SCIN: variants seen among roughly 807,000 people sequenced by gnomAD.
The protein encoded by SCIN is scinderin, also known as adseverin.
A neutral mutation model predicts 91.8 loss-of-function variants in SCIN; 91 were observed. The observed-to-expected ratio is 0.99, with a 90% confidence interval of 0.84 to 1.18. The LOEUF (loss-of-function observed/expected upper bound fraction) is 1.18, where lower values mean the gene tolerates loss of function less well. Ranked by LOEUF, SCIN falls within the 50% of genes most tolerant of loss-of-function variation. The pLI is 0.00. For missense variants in SCIN, 1,087 were observed against 863.9 expected, an observed-to-expected ratio of 1.26 and a Z score of -3.24; for synonymous variants, 367 against 312.6, an observed-to-expected ratio of 1.17 and a Z score of -1.84.
intron 4 of SCIN, among the ~76,000 whole-genome samples, chr7:12,618,586 A>G (rs926960212): frequency 1.3e-5 from 2 of 152,120 alleles, no homozygotes; most frequent in Non-Finnish European, 2.9e-5. Flanking sequence ...AGCTGGCTAA[A>G]TAAGACCACA....
intron 3 of SCIN, among the ~76,000 whole-genome samples, chr7:12,587,192 A>G (rs1280223328): frequency 1.3e-5 from 2 of 152,214 alleles, no homozygotes. Context: ...ATCACTCTGT[A>G]GCCAATAAAT....
At chr7:12,586,928 G>T (rs975002834) in intron 3 of SCIN, among the ~76,000 whole-genome samples, 1 of 152,112 alleles carries the variant, frequency 6.6e-6, no homozygotes, top group Admixed American at 6.5e-5. Flanking sequence ...ATTGGGAAGG[G>T]TAGGGGGAGG....
chr7:12,592,853 A>T (rs2115233134), intron 3 of SCIN, among the ~76,000 whole-genome samples: 1 of 152,242 alleles, frequency 6.6e-6, no homozygotes, highest in Middle Eastern at 3.4e-3. Flanking sequence ...CCCCACTATC[A>T]ATTAAAAAAG....
At chr7:12,574,529 C>T (rs1782330952) in intron 1 of SCIN, among the ~76,000 whole-genome samples, 2 of 152,080 alleles carry the variant, frequency 1.3e-5, no homozygotes, top group Non-Finnish European at 1.5e-5. Context: ...TGCACACACA[C>T]ACGAGTACAA....
chr7:12,609,021 C>G (rs746973683), intron 4 of SCIN, among the ~76,000 whole-genome samples: 19 of 152,108 alleles, frequency 1.2e-4, no homozygotes, highest in Non-Finnish European at 2.4e-4. Context: ...AAAAATTTAT[C>G]TTTAGTTTGA....
chr7:12,647,491 G>A (rs1195764770), intron 13 of SCIN, among the ~76,000 whole-genome samples: 2 of 152,182 alleles, frequency 1.3e-5, no homozygotes, highest in African/African-American at 4.8e-5. Context: ...CTTGCTGGCT[G>A]TGTGACTTTA....
Position 12,600,453 on chromosome 7 carries a change from C to A in SCIN, c.517-4061C>A, listed in dbSNP as rs555307160. On this transcript the variant is annotated intron_variant, in intron 3 of 15. Transcript: ENST00000297029. ...AATCTCAGAAATCACCACTAAAGAA[C>A]TTATTCATCTAAATAAATGCCACCT... Among the ~76,000 whole-genome samples, 69 of 152,230 alleles carry A rather than the reference C, an allele frequency of 4.5e-4. 1 individual carries two copies. Among genetic ancestry groups the A allele is most frequent in the African/African-American group, 1.6e-3 (68 of 41,536 alleles).
intron 9 of SCIN, among the ~76,000 whole-genome samples, chr7:12,634,388 G>A (rs1047713534): frequency 6.6e-6 from 1 of 151,966 alleles, no homozygotes; most frequent in Admixed American, 6.5e-5. Flanking sequence ...GGGAGGCTGA[G>A]GCAGGAGAAT....
chr7:12,652,912 G>A lies in SCIN; in HGVS notation c.*197G>A, dbSNP rs1784111542. 1.8e-6 allele frequency: 1 copy of A among 548,546 alleles called. No homozygotes were observed. Among genetic ancestry groups the A allele is most frequent in the South Asian group, 2.2e-5 (1 of 44,456 alleles). The allele number at this position is 548,546 out of a possible 1,614,324, so 34.0% of individuals were successfully genotyped here. On this transcript the variant is annotated 3_prime_UTR_variant, in exon 16 of 16. Coordinates refer to ENST00000297029, the MANE Select transcript of SCIN (RefSeq NM_001112706.3). The stretch of plus-strand genomic sequence containing the variant: ...GGGGTCAGGATTTCGAGACCAGCCT[G>A]GCCAACATGGCGAAACCTCGCCTCT...
chr7:12,620,520 A>G (rs551729166), intron 4 of SCIN, among the ~76,000 whole-genome samples: 2 of 152,102 alleles, frequency 1.3e-5, no homozygotes, highest in Non-Finnish European at 2.9e-5. Context: ...GTTGCAAATG[A>G]CAGGATTTCC....
At chr7:12,598,603 G>A (rs1395150908) in intron 3 of SCIN, among the ~76,000 whole-genome samples, 3 of 152,150 alleles carry the variant, frequency 2.0e-5, no homozygotes, top group African/African-American at 7.2e-5. Context: ...AATAAAAACA[G>A]TGTTATCGGC....
chr7:12,647,108 GTTGT>G (rs984625695), intron 13 of SCIN, among the ~76,000 whole-genome samples: 33 of 152,202 alleles, frequency 2.2e-4, no homozygotes, highest in African/African-American at 7.2e-4. Flanking sequence ...CTATAAATTA[GTTGT>G]TTGTTTCCAA....
chr7:12,628,468 GA>G (rs1426317674), intron 8 of SCIN, among the ~76,000 whole-genome samples: 1 of 152,110 alleles, frequency 6.6e-6, no homozygotes, highest in Non-Finnish European at 1.5e-5. Context: ...TCACATGGTG[GA>G]AAAGGAGCTA....
intron 4 of SCIN, among the ~76,000 whole-genome samples, chr7:12,611,444 C>G (rs1265074902): frequency 6.6e-6 from 1 of 152,036 alleles, no homozygotes; most frequent in Non-Finnish European, 1.5e-5. Context: ...AAATGTTTGT[C>G]CTAAGTTTAC....
intron 9 of SCIN, among the ~76,000 whole-genome samples, chr7:12,630,594 C>T (rs748274944): frequency 2.3e-4 from 35 of 152,214 alleles, no homozygotes; most frequent in Admixed American, 6.5e-4. Context: ...CTGTCCTAGA[C>T]GAATGCATTT....
chr7:12,652,492 T>C, intron 15 of SCIN, 96 bp from the exon 16 acceptor site: 3 of 1,121,184 alleles, frequency 2.7e-6, no homozygotes, highest in Non-Finnish European at 3.8e-6. Context: ...TTCTGGAAAT[T>C]TAATTCATTA....
At chr7:12,639,083 A>G (rs189893334) in intron 10 of SCIN, among the ~76,000 whole-genome samples, 4 of 152,334 alleles carry the variant, frequency 2.6e-5, no homozygotes, top group East Asian at 1.9e-4. Context: ...TGAAAAAACT[A>G]AAGTATTGCG....
At chr7:12,649,378 A>G in intron 13 of SCIN, 89 bp from the exon 14 acceptor site, 1 of 696,950 alleles carries the variant, frequency 1.4e-6, no homozygotes, top group South Asian at 2.7e-5. Context: ...TTTTCACTAT[A>G]CTCAAAAAAA....
At chr7:12,587,073 G>C (rs1028094874) in intron 3 of SCIN, among the ~76,000 whole-genome samples, 1 of 152,142 alleles carries the variant, frequency 6.6e-6, no homozygotes, top group East Asian at 1.9e-4. Context: ...TTCAAAGCTA[G>C]AAAAGGATTT....
Sources: gnomAD v4.1 joint callset for allele counts (sites outside exome capture counted in the v4.1 genomes callset) on GRCh38, gnomAD v4.1.1 for gene constraint, MANE v1.5 for transcripts, NCBI Gene and HGNC (gene_info 2026-07-23, HGNC 2026-07-21) for gene names.